Variants in TENM4 observed in about 807,000 individuals in gnomAD.
TENM4 encodes teneurin transmembrane protein 4.
TENM4 carries 82 observed loss-of-function variants against 243.3 expected under a neutral mutation model. That is an observed-to-expected ratio of 0.34 (90% confidence interval 0.28 to 0.40). The LOEUF is 0.40. Ranked by LOEUF, TENM4 falls within the 10% of genes least tolerant of loss-of-function variation. The pLI, the probability that TENM4 is intolerant of heterozygous loss-of-function variation, is 1.00. For missense variants in TENM4, 3,138 were observed against 3,673.3 expected (o/e 0.85, Z 3.77); for synonymous variants, 1,412 against 1,456.3 (o/e 0.97, Z 0.69).
intron 2 of TENM4, among the ~76,000 whole-genome samples, chr11:79,283,597 C>G (rs1363172679): frequency 6.6e-6 from 1 of 152,182 alleles, no homozygotes; most frequent in Non-Finnish European, 1.5e-5. Context: ...AAACTCACAT[C>G]TAACATTCTA....
rs1462923604 is a variant in TENM4 at position 78,657,031 on chromosome 11, T to C, written c.*1027A>G. On this transcript the variant is annotated 3_prime_UTR_variant, in exon 34 of 34. Transcript: ENST00000278550. The stretch of plus-strand genomic sequence containing the variant: ...GGTGGAGGGAAGATACTCAAAGTCA[T>C]AGAGAGAGGGCTTTGCCTCGGAAGG... 2 of 398,490 alleles carry C rather than the reference T, an allele frequency of 5.0e-6. No homozygotes were observed. The highest frequency in any genetic ancestry group is 8.8e-6 in the Non-Finnish European group (2 of 226,088). The allele number at this position is 398,490 out of a possible 1,614,324, so 24.7% of individuals were successfully genotyped here.
chr11:79,171,461 T>C (rs1344586487), intron 3 of TENM4, among the ~76,000 whole-genome samples: 1 of 152,206 alleles, frequency 6.6e-6, no homozygotes, highest in Non-Finnish European at 1.5e-5. Context: ...GAGTAGAAAG[T>C]AAGTGGTTAG....
chr11:79,300,554 T>C (rs1321181231), intron 1 of TENM4, among the ~76,000 whole-genome samples: 1 of 152,234 alleles, frequency 6.6e-6, no homozygotes, highest in Admixed American at 6.5e-5. Flanking sequence ...GTATCACTTG[T>C]CATTTTACCA....
At chr11:79,164,083 T>C (rs60831545) in intron 3 of TENM4, among the ~76,000 whole-genome samples, 369 of 21,498 alleles carry the variant, frequency 0.017, 1 homozygote, top group Middle Eastern at 0.1. Context: ...ATACACTATA[T>C]ATACTATGTA....
intron 6 of TENM4, among the ~76,000 whole-genome samples, chr11:79,020,716 C>G (rs182418596): frequency 1.3e-5 from 2 of 152,144 alleles, no homozygotes; most frequent in Admixed American, 1.3e-4. Context: ...TGTCTGAGAT[C>G]AGTGATCTAT....
chr11:79,369,071 T>C (rs183291423), intron 1 of TENM4, among the ~76,000 whole-genome samples: 4 of 152,328 alleles, frequency 2.6e-5, no homozygotes, highest in East Asian at 3.9e-4. Context: ...CCACTCTCTT[T>C]TCCCTTAACA....
intron 7 of TENM4, among the ~76,000 whole-genome samples, chr11:78,902,050 C>A (rs1855939583): frequency 6.6e-6 from 1 of 152,128 alleles, no homozygotes; most frequent in Non-Finnish European, 1.5e-5. Context: ...TGTGGGATGA[C>A]CTTTGTTCTC....
chr11:78,716,928 T>C (rs950030540), intron 25 of TENM4, among the ~76,000 whole-genome samples: 1 of 152,192 alleles, frequency 6.6e-6, no homozygotes, highest in Admixed American at 6.5e-5. Flanking sequence ...TCTCAGAGCA[T>C]GAGACGGAAG....
At chr11:79,372,872 A>T (rs1857814619) in intron 1 of TENM4, among the ~76,000 whole-genome samples, 1 of 152,166 alleles carries the variant, frequency 6.6e-6, no homozygotes, top group South Asian at 2.1e-4. Flanking sequence ...GATATAGCTG[A>T]CTTGGACAAG....
At chr11:78,989,871 T>A (rs1857998797) in intron 6 of TENM4, among the ~76,000 whole-genome samples, 2 of 151,774 alleles carry the variant, frequency 1.3e-5, no homozygotes, top group South Asian at 2.1e-4. Context: ...CTGGACAACA[T>A]AACGAAACCC....
intron 2 of TENM4, among the ~76,000 whole-genome samples, chr11:79,264,615 GGTGTACTAC>G (rs1267462678): frequency 2.0e-5 from 3 of 152,060 alleles, no homozygotes; most frequent in Non-Finnish European, 4.4e-5. Flanking sequence ...TTAGGAGGCT[GGTGTACTAC>G]GTGACCCCAG....
rs939728959 is a variant in TENM4, at chr11:78,665,189, TTCTC to T, written c.7409-3602_7409-3599del. 2.1e-3 allele frequency among the ~76,000 whole-genome samples: 310 copies of T among 147,108 alleles called. 1 individual carries two copies. The highest frequency in any genetic ancestry group is 8.0e-3 in the African/African-American group (292 of 36,708). ...TCTTTCTCTTTCTTTTCTTTTCTTT[TTCTC>T]TCTTTCTTTTCCTTTTTATTTTCTT... On this transcript the variant is annotated intron_variant, in intron 32 of 33. Transcript: ENST00000278550.
intron 6 of TENM4, 75 bp downstream of exon 6, chr11:79,064,663 C>G: frequency 2.6e-6 from 4 of 1,523,096 alleles, no homozygotes; most frequent in Non-Finnish European, 3.5e-6. Flanking sequence ...GGCAGTGGAG[C>G]AGGAAATCAA....
chr11:79,057,858 C>A (rs921069914), intron 6 of TENM4, among the ~76,000 whole-genome samples: 3 of 152,156 alleles, frequency 2.0e-5, no homozygotes, highest in Non-Finnish European at 4.4e-5. Context: ...CTTGGTTTAC[C>A]CCCAAGCTTT....
At chr11:79,164,002 AGTATATAGTATATATATAGTAT>A (rs1565230637) in intron 3 of TENM4, among the ~76,000 whole-genome samples, 1 of 72,758 alleles carries the variant, frequency 1.4e-5, no homozygotes, top group East Asian at 2.9e-4. Flanking sequence ...TATATAGTAT[AGTATATAGTATATATATAGTAT>A]GTATATAGTA....
chr11:78,704,159 CTATATATATATATATATATATATATA>C (rs56026926), intron 27 of TENM4, among the ~76,000 whole-genome samples: 1 of 106,028 alleles, frequency 9.4e-6, no homozygotes, highest in Non-Finnish European at 1.9e-5. Context: ...GTATGTGTGT[CTATATATATATATATATATATATATA>C]TATATATATT....
rs563782722 is a variant in TENM4 at position 79,384,652 on chromosome 11, G to A, written c.-321+55857C>T. Among the ~76,000 whole-genome samples the A allele has an allele frequency of 4.6e-5, 7 of 152,090 alleles. No homozygotes were observed. The South Asian group carries it at 8.3e-4, about 18-fold the overall frequency. On this transcript the variant is annotated intron_variant, in intron 1 of 33. Transcript: ENST00000278550. ...CAATAACCCACAAAACTCGGAGCAC[G>A]CAGTGGCTCACGCCTGTAATCCCAG... is the stretch of plus-strand genomic sequence containing the variant.
At chr11:78,771,217 A>C (rs1856640745) in intron 17 of TENM4, 79 bp from the exon 18 acceptor site, 4 of 1,516,184 alleles carry the variant, frequency 2.6e-6, no homozygotes, top group Non-Finnish European at 3.6e-6. Flanking sequence ...CTACCTGCCA[A>C]CTTGCAAAAT....
rs562048418 is a variant in TENM4 at position 79,130,391 on chromosome 11, C to T, written c.-66+18319G>A. 2.5e-4 allele frequency among the ~76,000 whole-genome samples: 38 copies of T among 152,144 alleles called. 1 individual carries two copies. Among genetic ancestry groups the T allele is most frequent in the African/African-American group, 9.2e-4 (38 of 41,494 alleles). The stretch of plus-strand genomic sequence containing the variant: ...AATGGATCTAAACCAAGAAGAAATC[C>T]CTGATGTACCTGAAAAAGAAGTCAG... On this transcript the variant is annotated intron_variant, in intron 4 of 33. Transcript: ENST00000278550.
Sources: allele counts gnomAD v4.1 joint callset (sites outside exome capture counted in the v4.1 genomes callset), GRCh38; gene constraint gnomAD v4.1.1; transcripts MANE v1.5; gene names NCBI Gene and HGNC (gene_info 2026-07-23, HGNC 2026-07-21).